JAM3: variants seen among roughly 807,000 people sequenced by gnomAD.
JAM3 encodes the protein junctional adhesion molecule C.
JAM3 carries 31 observed loss-of-function variants against 39.4 expected under a neutral mutation model. That is an observed-to-expected ratio of 0.79 (90% CI 0.59 to 1.06). The LOEUF (loss-of-function observed/expected upper bound fraction) is 1.06. Ranked by LOEUF, JAM3 falls within the 50% of genes least tolerant of loss-of-function variation. JAM3 has a pLI of 0.00. For synonymous variants in JAM3, 182 were observed against 148.7 expected (o/e 1.22, Z -1.63); for missense variants, 455 against 391.4 (o/e 1.16, Z -1.37).
intron 1 of JAM3, among the ~76,000 whole-genome samples, chr11:134,114,715 G>A (rs1468121216): frequency 6.6e-6 from 1 of 152,102 alleles, no homozygotes; most frequent in Non-Finnish European, 1.5e-5. Flanking sequence ...AACAAACTTT[G>A]TATGACTTGA....
chr11:134,117,459 G>GGTA (rs1591792664), intron 1 of JAM3, among the ~76,000 whole-genome samples: 1 of 152,282 alleles, frequency 6.6e-6, no homozygotes, highest in East Asian at 1.9e-4. Context: ...AGAAATATTT[G>GGTA]GTAGTTTGCA....
chr11:134,109,761 G>A (rs1942275303), intron 1 of JAM3, among the ~76,000 whole-genome samples: 1 of 152,174 alleles, frequency 6.6e-6, no homozygotes, highest in African/African-American at 2.4e-5. Flanking sequence ...GAGCAGGTAG[G>A]GAAATAGTCA....
intron 1 of JAM3, among the ~76,000 whole-genome samples, chr11:134,133,229 C>T (rs1942800412): frequency 6.6e-6 from 1 of 152,108 alleles, no homozygotes; most frequent in Non-Finnish European, 1.5e-5. Flanking sequence ...AAGATCATGC[C>T]AGCTACAAAC....
chr11:134,144,127 T>C (rs1040284553), intron 3 of JAM3, 114 bp from the exon 4 acceptor site: 240 of 960,674 alleles, frequency 2.5e-4, no homozygotes, highest in Non-Finnish European at 1.2e-4. Flanking sequence ...GAAATAAATA[T>C]TGATCTGCAG....
At chr11:134,133,178 A>T (rs866438573) in intron 1 of JAM3, among the ~76,000 whole-genome samples, 2 of 151,640 alleles carry the variant, frequency 1.3e-5, no homozygotes, top group African/African-American at 4.8e-5. Flanking sequence ...TATTTATTCT[A>T]ATATTTTTGG....
At chr11:134,120,148 ACT>A (rs1207521347) in intron 1 of JAM3, among the ~76,000 whole-genome samples, 2 of 151,998 alleles carry the variant, frequency 1.3e-5, no homozygotes, top group South Asian at 2.1e-4. Context: ...TCTAGGGTAG[ACT>A]CTGCGAAGCA....
At chr11:134,072,668 T>G (rs918502455) in intron 1 of JAM3, among the ~76,000 whole-genome samples, 1 of 152,020 alleles carries the variant, frequency 6.6e-6, no homozygotes. Context: ...CGCCAGCACT[T>G]TGGGAAGCCG....
At chr11:134,144,435 G>C (rs762227360) in intron 4 of JAM3, 42 bp downstream of exon 4, 4 of 1,609,250 alleles carry the variant, frequency 2.5e-6, no homozygotes, top group African/African-American at 1.3e-5. Flanking sequence ...ACCATAGGAT[G>C]CAAGAGATCA....
intron 1 of JAM3, among the ~76,000 whole-genome samples, chr11:134,128,890 C>T (rs185601847): frequency 3.9e-5 from 6 of 152,230 alleles, no homozygotes; most frequent in South Asian, 2.1e-4. Flanking sequence ...CATTTCCATT[C>T]CCCTCTGTAT....
intron 1 of JAM3, among the ~76,000 whole-genome samples, chr11:134,072,594 G>A (rs1280670700): frequency 6.6e-6 from 1 of 152,222 alleles, no homozygotes; most frequent in Non-Finnish European, 1.5e-5. Context: ...ACAGGCGTGA[G>A]CCACCACGCC....
At chr11:134,146,238 C>T (rs1379664262) in intron 6 of JAM3, among the ~76,000 whole-genome samples, 193 bp downstream of exon 6, 1 of 152,162 alleles carries the variant, frequency 6.6e-6, no homozygotes, top group East Asian at 1.9e-4. Flanking sequence ...TAAGCAGGTC[C>T]TCAAAACAAA....
chr11:134,134,421 A>C (rs1471436061), intron 1 of JAM3, among the ~76,000 whole-genome samples: 1 of 144,840 alleles, frequency 6.9e-6, no homozygotes, highest in Non-Finnish European at 1.5e-5. Flanking sequence ...AAAAAAAAAA[A>C]ACATCTAGGC....
At chr11:134,076,620 A>G (rs918882748) in intron 1 of JAM3, among the ~76,000 whole-genome samples, 1 of 152,106 alleles carries the variant, frequency 6.6e-6, no homozygotes, top group Admixed American at 6.5e-5. Flanking sequence ...TTTGATTGAT[A>G]TTAATCTGTG....
At position 134,148,644 on chromosome 11, in the gene JAM3, C is replaced by G. The variant is rs1943124613; in HGVS notation, c.810C>G (p.Gly270=). The change falls in exon 7 of 9, where the codon GGC becomes GGG. Residue 270 remains glycine (G), a synonymous_variant. Coordinates refer to ENST00000299106, the MANE Select transcript of JAM3 (RefSeq NM_032801.5). ...TLGICCAYRR[G]YFINNKQDGE... is the part of the protein sequence containing the mutation. ...GCATCTGCTGTGCATACAGACGTGG[C>G]TACTTCATCAACAATAAACAGGATG... 1.2e-6 allele frequency: 2 copies of G among 1,614,096 alleles called. No individual in the cohort carries two copies. The highest frequency in any genetic ancestry group is 1.7e-6 in the Non-Finnish European group (2 of 1,180,026).
At chr11:134,123,892 A>G (rs1442787332) in intron 1 of JAM3, 8 of 967,586 alleles carry the variant, frequency 8.3e-6, no homozygotes, top group Non-Finnish European at 1.3e-5. Flanking sequence ...TATTTCTCCA[A>G]GTAAAGCAGC....
At chr11:134,107,749 G>C (rs1942223453) in intron 1 of JAM3, among the ~76,000 whole-genome samples, 1 of 152,096 alleles carries the variant, frequency 6.6e-6, no homozygotes, top group Non-Finnish European at 1.5e-5. Context: ...TGTAGTCCCA[G>C]CTACTTGGGA....
intron 1 of JAM3, among the ~76,000 whole-genome samples, chr11:134,104,662 A>G (rs1047090755): frequency 6.6e-6 from 1 of 152,182 alleles, no homozygotes; most frequent in Admixed American, 6.5e-5. Flanking sequence ...ATAAAAAATG[A>G]TAAAGGAGAT....
chr11:134,140,632 G>A, intron 2 of JAM3, 25 bp from the exon 3 acceptor site: 1 of 1,585,454 alleles, frequency 6.3e-7, no homozygotes, highest in Non-Finnish European at 8.7e-7. Context: ...TTCACCGAGA[G>A]CTCTTTTTCT....
chr11:134,085,013 T>C (rs1424426855), intron 1 of JAM3, among the ~76,000 whole-genome samples: 6 of 152,182 alleles, frequency 3.9e-5, no homozygotes, highest in Admixed American at 3.9e-4. Flanking sequence ...TTGCTGGGCA[T>C]CTCAGTATTG....
Sources: allele counts gnomAD v4.1 joint callset (sites outside exome capture counted in the v4.1 genomes callset), GRCh38; gene constraint gnomAD v4.1.1; transcripts MANE v1.5; gene names NCBI Gene and HGNC (gene_info 2026-07-23, HGNC 2026-07-21).